The following LRRC8C variants were observed in gnomAD, a reference collection of about 807,000 sequenced individuals.
LRRC8C encodes the protein volume-regulated anion channel subunit LRRC8C.
A neutral mutation model predicts 55.3 loss-of-function variants in LRRC8C; 20 were observed. The ratio of observed to expected loss-of-function variants is 0.36; its 90% CI spans 0.25 to 0.53. The LOEUF (loss-of-function observed/expected upper bound fraction) is 0.53, where lower values mean the gene tolerates loss of function less well. Ranked by LOEUF, LRRC8C falls within the 20% of genes least tolerant of loss-of-function variation. The pLI is 0.92. For missense variants in LRRC8C, 659 were observed against 951.4 expected (o/e 0.69, Z 4.04); for synonymous variants, 376 against 360.7 (o/e 1.04, Z -0.48).
chr1:89,626,652 A>C, the LRRC8C span: 1 of 152,178 alleles, frequency 6.6e-6, no homozygotes, highest in African/African-American at 2.4e-5. Context: ...AGATGCAAAT[A>C]AATAGCCAGA....
In LRRC8C at chr1:89,713,868, T is replaced by C. The variant is rs1321953349; in HGVS notation, c.1298T>C (p.Leu433Pro). Reference protein sequence around the residue: ...HNRLELPLIMLSGLPDTVFEI... With the variant: ...HNRLELPLIMPSGLPDTVFEI... ...CGACTGGAATTGCCTCTTATCATGC[T>C]CTCTGGCCTTCCAGACACTGTTTTT... is the stretch of plus-strand genomic sequence containing the variant. Residue 433 changes from leucine (L) to proline (P), a missense_variant, in exon 3 of 3, where the codon CTC (leucine) becomes CCC (proline). Around this residue, in one of 5 missense-constraint regions of LRRC8C, gnomAD observed 344 missense variants for 464.6 expected, o/e 0.74. Transcript: ENST00000370454. The surrounding 1 kb of genome is among the most constrained non-coding windows in gnomAD (Gnocchi z 5.2). The C allele has an allele frequency of 1.2e-6, 2 of 1,614,176 alleles. No homozygotes were observed. Among genetic ancestry groups the C allele is most frequent in the African/African-American group, 1.3e-5 (1 of 75,056 alleles).
chr1:89,643,361 C>T (rs1282891929), intron 1 of LRRC8C, among the ~76,000 whole-genome samples: 1 of 152,224 alleles, frequency 6.6e-6, no homozygotes, highest in Non-Finnish European at 1.5e-5. Context: ...AAGTTACAGG[C>T]ATAAGCCACC....
intron 1 of LRRC8C, among the ~76,000 whole-genome samples, chr1:89,678,224 C>T (rs560899791): frequency 8.5e-5 from 13 of 152,352 alleles, no homozygotes; most frequent in African/African-American, 3.1e-4. Context: ...TTATATCCCA[C>T]TTTCTTAACT....
At chr1:89,670,398 A>G (rs1210152824) in intron 1 of LRRC8C, among the ~76,000 whole-genome samples, 2 of 152,116 alleles carry the variant, frequency 1.3e-5, no homozygotes, top group Non-Finnish European at 2.9e-5. Flanking sequence ...AGCCTGTTAT[A>G]CCCTCATGCT....
intron 1 of LRRC8C, among the ~76,000 whole-genome samples, chr1:89,674,891 CT>C (rs2101248077): frequency 6.6e-6 from 1 of 152,322 alleles, no homozygotes; most frequent in Admixed American, 6.5e-5. Flanking sequence ...CAGTCTCTCA[CT>C]TTAAACATCA....
chr1:89,663,918 G>A (rs1262826415), intron 1 of LRRC8C, among the ~76,000 whole-genome samples: 1 of 152,142 alleles, frequency 6.6e-6, no homozygotes, highest in Admixed American at 6.5e-5. Context: ...CTGCATAAAT[G>A]TCTTCGTTTA....
At chr1:89,639,620 A>G (rs1353401116) in intron 1 of LRRC8C, among the ~76,000 whole-genome samples, 1 of 151,740 alleles carries the variant, frequency 6.6e-6, no homozygotes, top group African/African-American at 2.4e-5. Flanking sequence ...TTTTCCACAT[A>G]TTTTCTCTGT....
chr1:89,632,444 G>T (rs1656132055), upstream of LRRC8C, among the ~76,000 whole-genome samples: 1 of 152,194 alleles, frequency 6.6e-6, no homozygotes, highest in South Asian at 2.1e-4. Context: ...AGACTTGGTT[G>T]TCAAGGGGCT....
intron 2 of LRRC8C, among the ~76,000 whole-genome samples, chr1:89,691,626 C>G (rs1247054024): frequency 6.6e-6 from 1 of 152,152 alleles, no homozygotes; most frequent in Non-Finnish European, 1.5e-5. Context: ...GTAGATTAGT[C>G]CCATTTTTCA....
chr1:89,622,966 G>A, the LRRC8C span, among the ~76,000 whole-genome samples: 3 of 152,122 alleles, frequency 2.0e-5, no homozygotes, highest in African/African-American at 7.2e-5. Flanking sequence ...ATTATCTGGA[G>A]CATTTTACAA....
rs759705688 is a variant in LRRC8C, at chr1:89,708,274, T to G, written c.139-4435T>G. On this transcript the variant is annotated intron_variant, in intron 2 of 2. Transcript: ENST00000370454. The stretch of plus-strand genomic sequence containing the variant: ...TGGTGATGCACTGAACCTCAAGGCT[T>G]TGTAGAAGGGGATGCGGTTGGGCAC... Among the ~76,000 whole-genome samples, 3 of 152,142 alleles carry G rather than the reference T, an allele frequency of 2.0e-5. 1 individual carries two copies. The highest frequency in any genetic ancestry group is 6.5e-5 in the Admixed American group (1 of 15,270).
chr1:89,654,945 T>C (rs1656899708), intron 1 of LRRC8C, among the ~76,000 whole-genome samples: 1 of 146,196 alleles, frequency 6.8e-6, no homozygotes, highest in African/African-American at 2.5e-5. Flanking sequence ...TAGGCCCAAG[T>C]GATCCTCCTT....
At chr1:89,624,496 G>C in the LRRC8C span, among the ~76,000 whole-genome samples, 1 of 152,166 alleles carries the variant, frequency 6.6e-6, no homozygotes, top group Admixed American at 6.5e-5. Context: ...AACAGCCAGG[G>C]AACTATTCCT....
At chr1:89,692,893 C>T (rs981616075) in intron 2 of LRRC8C, among the ~76,000 whole-genome samples, 6 of 152,198 alleles carry the variant, frequency 3.9e-5, no homozygotes, top group Non-Finnish European at 8.8e-5. Context: ...CTTTAGATCT[C>T]TGCTCAGTGA....
At chr1:89,633,560 C>G (rs1656194134) in intron 1 of LRRC8C, among the ~76,000 whole-genome samples, 1 of 152,192 alleles carries the variant, frequency 6.6e-6, no homozygotes, top group Non-Finnish European at 1.5e-5. Flanking sequence ...CTAGCCCGAG[C>G]GGCCGCGCGA....
chr1:89,625,825 C>T, the LRRC8C span, among the ~76,000 whole-genome samples: 9 of 152,134 alleles, frequency 5.9e-5, no homozygotes, highest in Admixed American at 1.3e-4. Context: ...TTCGTCAGGG[C>T]TGATGCCACT....
At chr1:89,619,127 G>A in the LRRC8C span, among the ~76,000 whole-genome samples, 25 of 152,108 alleles carry the variant, frequency 1.6e-4, no homozygotes, top group African/African-American at 4.3e-4. Context: ...TCCTGCATGC[G>A]ATTTCAGTAA....
At chr1:89,711,053 T>C (rs1658635374) in intron 2 of LRRC8C, among the ~76,000 whole-genome samples, 1 of 152,236 alleles carries the variant, frequency 6.6e-6, no homozygotes, top group Non-Finnish European at 1.5e-5. Context: ...AGCTGCATAT[T>C]AAGCATAACA....
At chr1:89,690,783 T>C (rs1357328187) in intron 2 of LRRC8C, among the ~76,000 whole-genome samples, 1 of 152,056 alleles carries the variant, frequency 6.6e-6, no homozygotes, top group East Asian at 1.9e-4. Flanking sequence ...CAGAAGGCTT[T>C]TGGGCTCCCC....
Sources: gnomAD v4.1 joint callset for allele counts (sites outside exome capture counted in the v4.1 genomes callset) on GRCh38, gnomAD v4.1.1 for gene constraint, gnomAD v4.1.1 regional missense constraint, Gnocchi (gnomAD v3.1) non-coding constraint, MANE v1.5 for transcripts, NCBI Gene and HGNC (gene_info 2026-07-23, HGNC 2026-07-21) for gene names.